Variants in ARHGAP22 observed in about 807,000 individuals in gnomAD.
ARHGAP22 encodes Rho GTPase activating protein 22, also known as rho GTPase-activating protein 22.
In ARHGAP22, 48 loss-of-function variants were observed where a neutral mutation model predicts 59.1. That is an observed-to-expected ratio of 0.81 (90% CI 0.64 to 1.03). The LOEUF (loss-of-function observed/expected upper bound fraction) is 1.03, where lower values mean the gene tolerates loss of function less well. Among genes scored for constraint, ARHGAP22 ranks in the 50% least tolerant of loss-of-function variants. The pLI, the probability that ARHGAP22 is intolerant of heterozygous loss-of-function variation, is 0.00. For synonymous variants in ARHGAP22, 445 were observed against 416.4 expected, an observed-to-expected ratio of 1.07 and a Z score of -0.84; for missense variants, 1,015 against 958.7, an observed-to-expected ratio of 1.06 and a Z score of -0.78.
chr10:48,436,479 T>C, the ARHGAP22 span: 1 of 152,200 alleles, frequency 6.6e-6, no homozygotes, highest in East Asian at 1.9e-4. Flanking sequence ...TTTTAAATTA[T>C]CTCTGGAACA....
At chr10:48,634,967 G>A (rs1215441977) in intron 1 of ARHGAP22, among the ~76,000 whole-genome samples, 3 of 152,158 alleles carry the variant, frequency 2.0e-5, no homozygotes, top group Non-Finnish European at 4.4e-5. Flanking sequence ...GGAGAAAGAA[G>A]CTTGCTAACA....
intron 3 of ARHGAP22, among the ~76,000 whole-genome samples, chr10:48,526,383 A>G (rs749825149): frequency 1.1e-4 from 17 of 152,192 alleles, no homozygotes; most frequent in Non-Finnish European, 1.8e-4. Flanking sequence ...GGGGAGAGAG[A>G]AGGGTTTTCC....
chr10:48,460,712 G>A (rs1343323591), intron 4 of ARHGAP22, among the ~76,000 whole-genome samples: 1 of 131,608 alleles, frequency 7.6e-6, no homozygotes, highest in African/African-American at 2.7e-5. Context: ...TAGCTGAAAT[G>A]CGGAAGCAAG....
intron 1 of ARHGAP22, among the ~76,000 whole-genome samples, chr10:48,612,858 C>T (rs569748880): frequency 7.9e-5 from 12 of 152,316 alleles, no homozygotes; most frequent in Middle Eastern, 6.8e-3. Context: ...TTTCCATTCT[C>T]TCACTGATGG....
At chr10:48,529,084 G>C (rs1167551144) in intron 3 of ARHGAP22, among the ~76,000 whole-genome samples, 1 of 152,196 alleles carries the variant, frequency 6.6e-6, no homozygotes, top group African/African-American at 2.4e-5. Context: ...CTCTTTACTT[G>C]GGTCAGGGGA....
At chr10:48,536,357 C>G (rs912281178) in intron 3 of ARHGAP22, among the ~76,000 whole-genome samples, 6 of 152,222 alleles carry the variant, frequency 3.9e-5, no homozygotes, top group African/African-American at 1.4e-4. Flanking sequence ...CAGGATCAGG[C>G]AGGGGACCTT....
rs2062106693 is a variant in ARHGAP22 at position 48,642,792 on chromosome 10, T to A, written c.52+9442A>T. On this transcript the variant is annotated intron_variant, in intron 1 of 9. Transcript: ENST00000435790. Reference sequence around the variant, plus strand: ...ACAGCAAAAGAAACTACCGTCAGAATGAACAGGCAACCTACAGAATGGGAG... The same window carrying A: ...ACAGCAAAAGAAACTACCGTCAGAAAGAACAGGCAACCTACAGAATGGGAG... Among the ~76,000 whole-genome samples the A allele has an allele frequency of 3.3e-5, 5 of 152,330 alleles. No homozygotes were observed. The South Asian group carries it at 1.0e-3, about 32-fold the overall frequency.
intron 3 of ARHGAP22, among the ~76,000 whole-genome samples, chr10:48,486,139 T>A (rs2049838121): frequency 6.6e-6 from 1 of 152,124 alleles, no homozygotes; most frequent in African/African-American, 2.4e-5. Flanking sequence ...CTTTAGGGTT[T>A]ATGGTATACA....
At chr10:48,504,704 A>G (rs994085274) in intron 3 of ARHGAP22, among the ~76,000 whole-genome samples, 6 of 152,166 alleles carry the variant, frequency 3.9e-5, no homozygotes, top group Non-Finnish European at 8.8e-5. Flanking sequence ...TGAGGAGGGC[A>G]GGAGTGGGTC....
At position 48,610,758 on chromosome 10, in the gene ARHGAP22, C is replaced by T. The variant is rs11101402; in HGVS notation, c.53-27606G>A. 1.8e-3 allele frequency among the ~76,000 whole-genome samples: 277 copies of T among 152,286 alleles called. 2 individuals are homozygous for T. The highest frequency in any genetic ancestry group is 2.7e-3 in the Admixed American group (41 of 15,310). On this transcript the variant is annotated intron_variant, in intron 1 of 9. Transcript: ENST00000435790. Reference sequence around the variant, plus strand: ...ACTGGCGCTCCGAGCAGATGACCCGCTGGAGGGGTCTGGGTTTGGGCAGAG... The same window carrying T: ...ACTGGCGCTCCGAGCAGATGACCCGTTGGAGGGGTCTGGGTTTGGGCAGAG...
At chr10:48,461,171 A>G (rs1246818533) in intron 4 of ARHGAP22, among the ~76,000 whole-genome samples, 1 of 152,164 alleles carries the variant, frequency 6.6e-6, no homozygotes, top group Non-Finnish European at 1.5e-5. Context: ...TTTAAAAATT[A>G]GAAGACAAAA....
At chr10:48,586,476 T>C (rs982478328) in intron 1 of ARHGAP22, among the ~76,000 whole-genome samples, 5 of 152,210 alleles carry the variant, frequency 3.3e-5, no homozygotes, top group Non-Finnish European at 7.3e-5. Flanking sequence ...GATGTCTCCA[T>C]GCAGAATTTG....
chr10:48,459,669 C>T lies in ARHGAP22; in HGVS notation c.659+15G>A, dbSNP rs1368642125. On this transcript the variant is annotated intron_variant, in intron 5 of 9. Transcript: ENST00000249601. ...TGGACAAATGGCTCCACCTTACCCC[C>T]GATCACAAGCTCACCTGTCAAACAG... is the stretch of plus-strand genomic sequence containing the variant. 1 of 1,613,900 alleles carries T rather than the reference C, an allele frequency of 6.2e-7. No homozygotes were observed. Among genetic ancestry groups the T allele is most frequent in the East Asian group, 2.2e-5 (1 of 44,876 alleles).
chr10:48,561,992 C>T (rs1044884660), intron 2 of ARHGAP22, among the ~76,000 whole-genome samples: 2 of 152,120 alleles, frequency 1.3e-5, no homozygotes, highest in Admixed American at 6.6e-5. Flanking sequence ...TTTGGGGGGC[C>T]GAGGTGGGCA....
intron 4 of ARHGAP22, among the ~76,000 whole-genome samples, chr10:48,473,568 A>C (rs2048427057): frequency 7.0e-6 from 1 of 143,708 alleles, no homozygotes; most frequent in Non-Finnish European, 1.5e-5. Flanking sequence ...GTACTCAGAG[A>C]GCGCTGAGCA....
chr10:48,567,950 T>C lies in ARHGAP22; in HGVS notation c.235-12400A>G, dbSNP rs557662533. Among the ~76,000 whole-genome samples, 4 of 152,360 alleles carry C rather than the reference T, an allele frequency of 2.6e-5. No homozygotes were observed. In the East Asian group the frequency reaches 5.8e-4, roughly 22 times the overall value. On this transcript the variant is annotated intron_variant, in intron 2 of 9. Coordinates refer to ENST00000249601, the MANE Select transcript of ARHGAP22 (RefSeq NM_021226.4). ...AGAATTTTGTCCTTAGCTGATCACC[T>C]GGCCACATGAACAAAGAAGTTATAA...
At chr10:48,582,687 T>C (rs535118357) in intron 2 of ARHGAP22, 6 of 522,174 alleles carry the variant, frequency 1.1e-5, no homozygotes, top group African/African-American at 1.1e-4. Context: ...TGGAAGACGT[T>C]GTTTTCTTAA....
chr10:48,605,693 C>A (rs950687500), upstream of ARHGAP22, among the ~76,000 whole-genome samples: 1 of 152,140 alleles, frequency 6.6e-6, no homozygotes, highest in African/African-American at 2.4e-5. Context: ...CCAAGGAATG[C>A]AATCATAACA....
chr10:48,525,869 GC>G (rs1411029790), intron 3 of ARHGAP22, among the ~76,000 whole-genome samples: 9 of 152,192 alleles, frequency 5.9e-5, no homozygotes, highest in African/African-American at 2.2e-4. Context: ...AGAGACTTTG[GC>G]TTTTTTATAA....
Sources: gnomAD v4.1 joint callset for allele counts (sites outside exome capture counted in the v4.1 genomes callset) on GRCh38, gnomAD v4.1.1 for gene constraint, MANE v1.5 for transcripts, NCBI Gene and HGNC (gene_info 2026-07-23, HGNC 2026-07-21) for gene names.